MYRFL: variants seen among roughly 807,000 people sequenced by gnomAD.
MYRFL encodes myelin regulatory factor like.
A neutral mutation model predicts 109.4 loss-of-function variants in MYRFL; 88 were observed. The observed-to-expected ratio is 0.80, with a 90% CI of 0.68 to 0.96. The LOEUF is 0.96. Ranked by LOEUF, MYRFL falls within the 40% of genes least tolerant of loss-of-function variation. The pLI is 0.00. For missense variants in MYRFL, 957 were observed against 954.9 expected, an observed-to-expected ratio of 1.00 and a Z score of -0.03; for synonymous variants, 324 against 320.9, an observed-to-expected ratio of 1.01 and a Z score of -0.10.
chr12:69,925,187 T>A (rs1292750107), intron 13 of MYRFL, among the ~76,000 whole-genome samples: 2 of 152,094 alleles, frequency 1.3e-5, no homozygotes. Context: ...AGGAAAGGCA[T>A]TTTTATCTTA....
chr12:69,875,343 GT>G (rs1322407403), intron 2 of MYRFL, among the ~76,000 whole-genome samples: 1 of 151,652 alleles, frequency 6.6e-6, no homozygotes. Context: ...TTTATTTGTA[GT>G]TTTGATTTCT....
chr12:69,908,568 G>A (rs1211849291), intron 11 of MYRFL, among the ~76,000 whole-genome samples: 1 of 152,140 alleles, frequency 6.6e-6, no homozygotes, highest in Non-Finnish European at 1.5e-5. Context: ...CTTCATCATC[G>A]CTAGGAAGCC....
At chr12:69,844,598 C>T (rs148964571) in intron 1 of MYRFL, among the ~76,000 whole-genome samples, 4 of 152,260 alleles carry the variant, frequency 2.6e-5, no homozygotes, top group African/African-American at 4.8e-5. Context: ...ACGGGGCGGT[C>T]GTGAGAGCAC....
In MYRFL at chr12:69,901,297, T is replaced by C. The variant is rs7310298; in HGVS notation, c.1183-2347T>C. On this transcript the variant is annotated intron_variant, in intron 10 of 24. Transcript: ENST00000552032. ...AATTCCAGAAAGAGGTAGTATATTG[T>C]GGCTTGCTTTCACACATGAAGGTTG... Among the ~76,000 whole-genome samples the C allele has an allele frequency of 5.9e-3, 893 of 152,340 alleles. 6 individuals carry two copies. Among genetic ancestry groups the C allele is most frequent in the African/African-American group, 0.02 (833 of 41,588 alleles).
rs141699663 is a variant in MYRFL, at chr12:69,936,670, A to G, written c.2224+38A>G. 2.3e-4 allele frequency: 336 copies of G among 1,441,380 alleles called. 1 individual carries two copies. In the African/African-American group the frequency reaches 4.3e-3, roughly 18 times the overall value. The allele number at this position is 1,441,380 out of a possible 1,614,324, so 89.3% of individuals were successfully genotyped here. A position where few individuals can be genotyped will look rare whatever the true frequency, so the allele number is the denominator to read the frequency against. On this transcript the variant is annotated intron_variant, in intron 19 of 24. Coordinates refer to ENST00000552032, the MANE Select transcript of MYRFL (RefSeq NM_182530.3). ...CAAAGAGAAACAACTAGAGCTTTGA[A>G]CTTGAGGTTGTTTTTCTTGTCACAA...
chr12:69,874,585 T>C (rs1240218), intron 2 of MYRFL, among the ~76,000 whole-genome samples: 110,545 of 152,138 alleles, frequency 0.73, 41,321 homozygotes, highest in Non-Finnish European at 0.82. Context: ...TCTAGAACCA[T>C]TTCCCTTTAG....
Position 69,871,231 on chromosome 12 carries a change from C to CTT in MYRFL, c.138-7779_138-7778dup, listed in dbSNP as rs58723853. Among the ~76,000 whole-genome samples, 494 of 124,720 alleles carry CTT rather than the reference C, an allele frequency of 4.0e-3. 2 individuals carry two copies. Among genetic ancestry groups the CTT allele is most frequent in the South Asian group, 9.4e-3 (35 of 3,742 alleles). The allele number at this position is 124,720 out of a possible 152,430, so 81.8% of individuals were successfully genotyped here. A position where few individuals can be genotyped will look rare whatever the true frequency, so the allele number is the denominator to read the frequency against. ...ACTTTCCAACTCTTTTTGGATATTT[C>CTT]TTTTTTTTTTTTTTTTTTTGAGATG... On this transcript the variant is annotated intron_variant, in intron 2 of 24. Transcript: ENST00000552032.
At chr12:69,891,601 C>CTTTCTTTCTTTG (rs1886829634) in intron 7 of MYRFL, among the ~76,000 whole-genome samples, 1 of 133,922 alleles carries the variant, frequency 7.5e-6, no homozygotes, top group African/African-American at 3.1e-5. Flanking sequence ...TTCTTTCTTT[C>CTTTCTTTCTTTG]TTTCTCTTTC....
In MYRFL at chr12:69,895,414, C is replaced by T. The variant is rs1049029255; in HGVS notation, c.1024C>T (p.Arg342Ter). ...ADQVTKVTLG[R>*]LHFSETTANN... ...CCAGGTCACCAAAGTAACACTGGGA[C>T]GATTACACTTCAGCGAAACCACAGC... The change falls in exon 9 of 25, where the codon CGA becomes TGA. Residue 342 changes from arginine (R) to a stop codon, truncating the protein, a stop_gained. Coordinates refer to ENST00000552032, the MANE Select transcript of MYRFL (RefSeq NM_182530.3). LOFTEE classifies it high-confidence loss of function. 2.5e-5 allele frequency: 38 copies of T among 1,534,824 alleles called. No individual in the cohort carries two copies. The Admixed American group carries it at 5.7e-4, about 23-fold the overall frequency.
intron 1 of MYRFL, among the ~76,000 whole-genome samples, chr12:69,846,697 C>A (rs1449768016): frequency 6.6e-6 from 1 of 152,130 alleles, no homozygotes; most frequent in East Asian, 1.9e-4. Context: ...ATTTATGGTC[C>A]TTTGGGTATA....
At chr12:69,855,062 A>T (rs188945863) in intron 1 of MYRFL, among the ~76,000 whole-genome samples, 1 of 152,232 alleles carries the variant, frequency 6.6e-6, no homozygotes, top group African/African-American at 2.4e-5. Context: ...TGTTGAACTT[A>T]ACTGGAAATA....
chr12:69,890,897 C>A, intron 6 of MYRFL, 74 bp from the exon 7 acceptor site: 1 of 1,178,590 alleles, frequency 8.5e-7, no homozygotes. Context: ...AATGTTTATA[C>A]AACTAATACT....
In MYRFL at chr12:69,952,171, T is replaced by G. The variant is rs1374919615; in HGVS notation, c.2283T>G (p.Ser761Arg). 1.3e-6 allele frequency: 2 copies of G among 1,535,630 alleles called. No individual in the cohort carries two copies. The highest frequency in any genetic ancestry group is 1.7e-6 in the Non-Finnish European group (2 of 1,146,786). The stretch of plus-strand genomic sequence containing the variant: ...CACTCAGCGGCCCTGACTGGGAGAG[T>G]GACTGTAAGTTGACATTTAAGTGAC... ...RNALSGPDWESDWIDTTISSI... is the reference protein window; with the variant it reads ...RNALSGPDWERDWIDTTISSI... Residue 761 changes from serine (S) to arginine (R), a missense_variant, in exon 20 of 25, where the codon AGT (serine) becomes AGG (arginine). Transcript: ENST00000552032.
rs563711385 is a variant in MYRFL, at chr12:69,825,506, G to A, written c.-12G>A. ...TTGTTTTATGAGGAAATAGTACTAG[G>A]ATCACAGTACCATGGATGTGGTAGG... On this transcript the variant is annotated 5_prime_UTR_variant, in exon 1 of 25. Transcript: ENST00000552032. 5.7e-6 allele frequency: 4 copies of A among 701,720 alleles called. No individual in the cohort carries two copies. The East Asian group carries it at 1.1e-4, about 19-fold the overall frequency. The allele number at this position is 701,720 out of a possible 1,614,324, so 43.5% of individuals were successfully genotyped here. A position where few individuals can be genotyped will look rare whatever the true frequency, so the allele number is the denominator to read the frequency against.
intron 6 of MYRFL, among the ~76,000 whole-genome samples, chr12:69,888,575 A>G (rs1007438854): frequency 2.0e-5 from 3 of 152,222 alleles, no homozygotes; most frequent in Non-Finnish European, 4.4e-5. Flanking sequence ...GCAGATTTCT[A>G]TAATCAGAGA....
intron 19 of MYRFL, among the ~76,000 whole-genome samples, chr12:69,951,600 T>C (rs1319727230): frequency 2.0e-5 from 3 of 152,074 alleles, no homozygotes; most frequent in African/African-American, 7.2e-5. Context: ...GCTAATTTTA[T>C]ATTTTTTAGT....
chr12:69,927,695 A>G lies in MYRFL; in HGVS notation c.1777A>G (p.Arg593Gly). ...CTCTCTCTTTTAAAGCAAATCTAGC[A>G]GAGCCGTTAGTGCATCTTCTCCAAG... ...SEASTISKSS[R>G]AVSASSPRRA... The change falls in exon 15 of 25, where the codon AGA becomes GGA. Residue 593 changes from arginine (R) to glycine (G), a missense_variant. Transcript: ENST00000552032. 2.0e-6 allele frequency: 3 copies of G among 1,533,954 alleles called. No individual in the cohort carries two copies. Among genetic ancestry groups the G allele is most frequent in the Non-Finnish European group, 2.6e-6 (3 of 1,146,468 alleles).
intron 1 of MYRFL, among the ~76,000 whole-genome samples, chr12:69,843,927 C>T (rs912412488): frequency 2.6e-5 from 4 of 152,190 alleles, no homozygotes; most frequent in Non-Finnish European, 5.9e-5. Flanking sequence ...AACCTGATTT[C>T]AAACTGAGCC....
At chr12:69,870,128 G>T (rs2951682) in intron 2 of MYRFL, among the ~76,000 whole-genome samples, 103,117 of 106,918 alleles carry the variant, frequency 0.96, 49,659 homozygotes, top group Middle Eastern at 0.99. Flanking sequence ...TTTTTTTTTG[G>T]GACAGAGTCT....
Sources: allele counts gnomAD v4.1 joint callset (sites outside exome capture counted in the v4.1 genomes callset), GRCh38; gene constraint gnomAD v4.1.1; transcripts MANE v1.5; gene names NCBI Gene and HGNC (gene_info 2026-07-23, HGNC 2026-07-21).